Variants in CDH4 observed in about 807,000 individuals in gnomAD.
CDH4 encodes cadherin-4.
A neutral mutation model predicts 86.0 loss-of-function variants in CDH4; 33 were observed. The observed-to-expected ratio is 0.38, with a 90% CI of 0.29 to 0.51. CDH4 has a LOEUF of 0.51. CDH4 is among the 20% of genes least tolerant of loss of function. The pLI is 0.86. For synonymous variants in CDH4, 555 were observed against 549.4 expected (o/e 1.01, Z -0.14); for missense variants, 1,114 against 1,307.4 (o/e 0.85, Z 2.28).
chr20:61,761,071 C>T (rs1479168269), intron 3 of CDH4, among the ~76,000 whole-genome samples: 5 of 152,098 alleles, frequency 3.3e-5, no homozygotes, highest in South Asian at 2.1e-4. Context: ...TACATGTTTT[C>T]GGGGAAGCAA....
chr20:61,259,131 G>A (rs1313357802), intron 2 of CDH4, among the ~76,000 whole-genome samples: 3 of 152,218 alleles, frequency 2.0e-5, no homozygotes, highest in Admixed American at 1.3e-4. Context: ...TGCTGTACCC[G>A]AAGCAGAGTT....
intron 2 of CDH4, among the ~76,000 whole-genome samples, chr20:61,736,552 G>A (rs1256260996): frequency 1.3e-5 from 2 of 152,050 alleles, no homozygotes; most frequent in African/African-American, 2.4e-5. Context: ...TCTGGTGTCT[G>A]CTGACTGGTG....
Position 61,924,381 on chromosome 20 carries a change from C to A in CDH4, c.1676C>A (p.Thr559Asn). Residue 559 changes from threonine (T) to asparagine (N), a missense_variant, in exon 11 of 16, where the codon ACC becomes AAC. By Grantham distance (65) the Thr-to-Asn change is moderately conservative. Transcript: ENST00000614565. ...DPASWLHINA[T>N]NGQITTAAVL... ...GCGAGCTGGCTGCACATCAATGCCA[C>A]CAACGGCCAGATCACCACGGCGGCA... 6.2e-7 allele frequency: 1 copy of A among 1,613,958 alleles called. No homozygotes were observed. Among genetic ancestry groups the A allele is most frequent in the East Asian group, 2.2e-5 (1 of 44,870 alleles).
rs774427578 is a variant in CDH4, at chr20:61,936,730, C to T, written c.2545-7C>T. 6.5e-6 allele frequency: 10 copies of T among 1,536,694 alleles called. No homozygotes were observed. The highest frequency in any genetic ancestry group is 8.7e-6 in the Non-Finnish European group (10 of 1,143,670). On this transcript the variant is annotated splice_region_variant and splice_polypyrimidine_tract_variant and intron_variant, in intron 15 of 15. Transcript: ENST00000614565. ...CTGCACCCTAACTCTGTGTCTGTGA[C>T]CCCCAGGGACTCCGCGCTGCTGACA...
chr20:61,479,213 T>A (rs1416245121), intron 2 of CDH4, among the ~76,000 whole-genome samples: 1 of 152,284 alleles, frequency 6.6e-6, no homozygotes, highest in African/African-American at 2.4e-5. Context: ...GTGTTTTTTT[T>A]TAAATACTTT....
intron 2 of CDH4, among the ~76,000 whole-genome samples, chr20:61,303,101 C>T (rs1437609581): frequency 2.0e-5 from 3 of 152,282 alleles, no homozygotes; most frequent in South Asian, 2.1e-4. Flanking sequence ...CACATTAAGC[C>T]ATGGGGTTTG....
intron 2 of CDH4, among the ~76,000 whole-genome samples, chr20:61,550,031 G>GCCTCCCTGGCCTCCCTGCCCCAA (rs887766592): frequency 2.7e-5 from 4 of 150,402 alleles, no homozygotes; most frequent in African/African-American, 5.0e-5. Flanking sequence ...CCTTGTCCTG[G>GCCTCCCTGGCCTCCCTGCCCCAA]CCTCCCTGGC....
Position 61,786,328 on chromosome 20 carries a change from G to A in CDH4, c.576+13146G>A, listed in dbSNP as rs117419885. Among the ~76,000 whole-genome samples the A allele has an allele frequency of 4.3e-4, 65 of 152,218 alleles. 2 individuals carry two copies. The East Asian group carries it at 0.012, about 29-fold the overall frequency. On this transcript the variant is annotated intron_variant, in intron 4 of 15. Transcript: ENST00000614565. ...TGTGGTTCTGAAGACGCAATCCCAA[G>A]ATGAACACGATCGCCCTGCTGCAGT...
Position 61,684,510 on chromosome 20 carries a change from C to T in CDH4, c.170-59053C>T, listed in dbSNP as rs1021069029. Among the ~76,000 whole-genome samples the T allele has an allele frequency of 2.6e-5, 4 of 152,162 alleles. No individual in the cohort carries two copies. Among genetic ancestry groups the T allele is most frequent in the Non-Finnish European group, 5.9e-5 (4 of 68,028 alleles). On this transcript the variant is annotated intron_variant, in intron 2 of 15. Transcript: ENST00000614565. This position sits in a 1 kb window ranked among gnomAD's most constrained non-coding sequence, Gnocchi z 4.5. ...AATTCGGAGGCAACCATCTCCTGGC[C>T]GCCTGTTCCATATCACACACAAGGT...
At chr20:61,766,659 A>C (rs2088701822) in intron 3 of CDH4, among the ~76,000 whole-genome samples, 1 of 152,156 alleles carries the variant, frequency 6.6e-6, no homozygotes, top group Admixed American at 6.5e-5. Context: ...TGCTCCACGC[A>C]GCTCTGTTAA....
intron 7 of CDH4, among the ~76,000 whole-genome samples, chr20:61,888,564 G>C (rs1984649694): frequency 6.6e-6 from 1 of 152,220 alleles, no homozygotes; most frequent in Admixed American, 6.5e-5. Context: ...GAAGTCCAAG[G>C]CCTCAGGCCC....
At chr20:61,342,808 G>A (rs79994007) in intron 2 of CDH4, among the ~76,000 whole-genome samples, 5,221 of 152,328 alleles carry the variant, frequency 0.034, 222 homozygotes, top group African/African-American at 0.095. Flanking sequence ...CATGGAGACC[G>A]TGAGAGCCCA....
At chr20:61,793,510 G>C (rs980235079) in intron 4 of CDH4, among the ~76,000 whole-genome samples, 1 of 152,148 alleles carries the variant, frequency 6.6e-6, no homozygotes, top group East Asian at 1.9e-4. Flanking sequence ...CCCGAGGTCA[G>C]GGTGCTCCCT....
At chr20:61,401,381 A>G (rs1245469931) in intron 2 of CDH4, among the ~76,000 whole-genome samples, 4 of 102,716 alleles carry the variant, frequency 3.9e-5, no homozygotes, top group Non-Finnish European at 7.5e-5. Context: ...CATCCATGCC[A>G]TTTTTTTGTC....
intron 15 of CDH4, 21 bp from the exon 16 acceptor site, chr20:61,936,716 C>T (rs2086222441): frequency 1.3e-6 from 2 of 1,513,504 alleles, no homozygotes; most frequent in Non-Finnish European, 8.8e-7. Context: ...TGCACCCTAA[C>T]TCTGTGTCTG....
intron 2 of CDH4, among the ~76,000 whole-genome samples, chr20:61,520,699 G>A (rs1337188501): frequency 2.6e-5 from 4 of 151,364 alleles, no homozygotes; most frequent in Non-Finnish European, 4.4e-5. Context: ...CTGAGCATCG[G>A]GAGGGAAGCG....
intron 2 of CDH4, among the ~76,000 whole-genome samples, chr20:61,433,320 C>T (rs570485572): frequency 1.3e-5 from 2 of 152,168 alleles, no homozygotes; most frequent in South Asian, 2.1e-4. Flanking sequence ...TGTGTGTGGC[C>T]CTGCCTCCTG....
chr20:61,323,888 G>A (rs1040953985), intron 2 of CDH4, among the ~76,000 whole-genome samples: 1 of 152,212 alleles, frequency 6.6e-6, no homozygotes, highest in African/African-American at 2.4e-5. Flanking sequence ...ATGATCCTAA[G>A]AGTGGAAGGA....
chr20:61,457,502 G>A (rs1263093369), intron 2 of CDH4, among the ~76,000 whole-genome samples: 1 of 152,216 alleles, frequency 6.6e-6, no homozygotes, highest in East Asian at 1.9e-4. Context: ...ATAGTGATGG[G>A]GGACAGGTGA....
Sources: allele counts gnomAD v4.1 joint callset (sites outside exome capture counted in the v4.1 genomes callset), GRCh38; gene constraint gnomAD v4.1.1; non-coding constraint Gnocchi (gnomAD v3.1); transcripts MANE v1.5; gene names NCBI Gene and HGNC (gene_info 2026-07-23, HGNC 2026-07-21).